The following ANK2 variants were observed in gnomAD, a reference collection of about 807,000 sequenced individuals.
ANK2 encodes the protein ankyrin-2.
ANK2 carries 83 observed loss-of-function variants against 360.5 expected under a neutral mutation model. The observed-to-expected ratio is 0.23, with a 90% CI of 0.19 to 0.28. ANK2 has a LOEUF of 0.28. ANK2 is among the 10% of genes least tolerant of loss of function. The pLI is 1.00. For synonymous variants in ANK2, 1,740 were observed against 1,759.5 expected (o/e 0.99, Z 0.28); for missense variants, 4,201 against 4,795.7 (o/e 0.88, Z 3.66).
chr4:113,220,551 A>C (rs1398706548), intron 4 of ANK2, among the ~76,000 whole-genome samples: 1 of 152,192 alleles, frequency 6.6e-6, no homozygotes, highest in African/African-American at 2.4e-5. Flanking sequence ...TTTTTAAAAT[A>C]TTCATTTGCT....
intron 1 of ANK2, among the ~76,000 whole-genome samples, chr4:112,839,653 A>G (rs977286056): frequency 6.6e-6 from 1 of 152,214 alleles, no homozygotes; most frequent in African/African-American, 2.4e-5. Flanking sequence ...ATAAAAGGTG[A>G]AGTGTAAAGT....
the ANK2 span, among the ~76,000 whole-genome samples, chr4:112,732,374 G>A: frequency 1.4e-5 from 2 of 147,096 alleles, no homozygotes; most frequent in Admixed American, 6.9e-5. Flanking sequence ...TCCTGTTCCC[G>A]AGTAGCTACA....
chr4:112,769,623 T>G, the ANK2 span, among the ~76,000 whole-genome samples: 1 of 152,218 alleles, frequency 6.6e-6, no homozygotes, highest in African/African-American at 2.4e-5. Flanking sequence ...TGATAGTTAA[T>G]TCTATGCTTC....
At chr4:113,269,240 C>T (rs567925182) in intron 14 of ANK2, among the ~76,000 whole-genome samples, 2 of 152,198 alleles carry the variant, frequency 1.3e-5, no homozygotes, top group Non-Finnish European at 2.9e-5. Context: ...CTGAGCTAGA[C>T]CACTTGGCTT....
rs1444436671 is a variant in ANK2, at chr4:113,341,943, A to G, written c.4122+27A>G. On this transcript the variant is annotated intron_variant, in intron 33 of 45. Coordinates refer to ENST00000357077, the MANE Select transcript of ANK2 (RefSeq NM_001148.6). Reference sequence around the variant, plus strand: ...TACTGTACCAAAAATAATAATAATAATTTATGCCATGTTGTTATACCTGCA... The same window carrying G: ...TACTGTACCAAAAATAATAATAATAGTTTATGCCATGTTGTTATACCTGCA... The G allele has an allele frequency of 2.7e-6, 4 of 1,508,528 alleles. No individual in the cohort carries two copies. In the South Asian group the frequency reaches 4.5e-5, roughly 17 times the overall value. 93.4% of individuals were successfully genotyped at this position (1,508,528 alleles called of 1,614,324 possible). A position where few individuals can be genotyped will look rare whatever the true frequency, so the allele number is the denominator to read the frequency against.
chr4:113,241,198 A>C (rs539976645), intron 8 of ANK2, among the ~76,000 whole-genome samples: 1 of 152,230 alleles, frequency 6.6e-6, no homozygotes, highest in African/African-American at 2.4e-5. Context: ...CATAATGATG[A>C]TATGTGATAG....
intron 1 of ANK2, among the ~76,000 whole-genome samples, chr4:112,860,468 G>A (rs1055730005): frequency 6.6e-5 from 10 of 152,120 alleles, no homozygotes; most frequent in Admixed American, 2.0e-4. Context: ...CTCATGATCC[G>A]CCGGCCTTTG....
intron 2 of ANK2, among the ~76,000 whole-genome samples, chr4:112,989,238 G>T (rs1296435240): frequency 6.6e-6 from 1 of 152,058 alleles, no homozygotes; most frequent in Non-Finnish European, 1.5e-5. Flanking sequence ...TAATAATAAT[G>T]TAATATAGCT....
At chr4:112,792,233 G>T in the ANK2 span, among the ~76,000 whole-genome samples, 2 of 151,746 alleles carry the variant, frequency 1.3e-5, no homozygotes, top group Non-Finnish European at 2.9e-5. Flanking sequence ...TAGAGACAGG[G>T]TTACTCCATG....
chr4:112,800,741 G>A, the ANK2 span, among the ~76,000 whole-genome samples: 7 of 152,060 alleles, frequency 4.6e-5, no homozygotes, highest in Admixed American at 2.0e-4. Flanking sequence ...TGCAACCTCC[G>A]CATCCCAGGT....
intron 1 of ANK2, among the ~76,000 whole-genome samples, chr4:112,899,537 C>T (rs371045583): frequency 5.2e-4 from 79 of 152,160 alleles, no homozygotes; most frequent in African/African-American, 1.6e-3. Context: ...TTGGGTACAA[C>T]GTAGGCACCT....
chr4:112,972,721 C>T (rs1409072694), intron 2 of ANK2, among the ~76,000 whole-genome samples: 1 of 152,154 alleles, frequency 6.6e-6, no homozygotes, highest in Non-Finnish European at 1.5e-5. Flanking sequence ...CATGCACACA[C>T]ATGTTTATAG....
chr4:113,205,999 A>T (rs922936973), intron 4 of ANK2, among the ~76,000 whole-genome samples: 1 of 152,178 alleles, frequency 6.6e-6, no homozygotes. Flanking sequence ...AGTGGGATCT[A>T]TAGTCACAGA....
intron 1 of ANK2, among the ~76,000 whole-genome samples, chr4:112,859,342 A>G (rs895407029): frequency 6.6e-6 from 1 of 152,190 alleles, no homozygotes; most frequent in Non-Finnish European, 1.5e-5. Context: ...TTTACATAAG[A>G]TAATTATGAT....
chr4:112,777,687 G>A, the ANK2 span, among the ~76,000 whole-genome samples: 20 of 144,454 alleles, frequency 1.4e-4, no homozygotes, highest in Admixed American at 6.3e-4. Context: ...GCACGATCTC[G>A]GCTCACTGCA....
chr4:112,879,396 T>C (rs115841453), intron 1 of ANK2, among the ~76,000 whole-genome samples: 1,524 of 152,294 alleles, frequency 0.01, 15 homozygotes, highest in African/African-American at 0.026. Flanking sequence ...GTTGAGGAAC[T>C]GAGGCTTCTA....
intron 45 of ANK2, among the ~76,000 whole-genome samples, chr4:113,374,553 A>T (rs2096856903): frequency 6.6e-6 from 1 of 152,186 alleles, no homozygotes; most frequent in African/African-American, 2.4e-5. Flanking sequence ...ACTAATTAAG[A>T]TTGCTTTGGT....
At chr4:113,295,332 T>C (rs1235965933) in intron 22 of ANK2, among the ~76,000 whole-genome samples, 1 of 152,160 alleles carries the variant, frequency 6.6e-6, no homozygotes, top group African/African-American at 2.4e-5. Flanking sequence ...TCAACAAAAC[T>C]ATGGAACTTA....
rs142147708 is a variant in ANK2 at position 113,225,884 on chromosome 4, G to A, written c.385-6277G>A. On this transcript the variant is annotated intron_variant, in intron 4 of 45. Coordinates refer to ENST00000357077, the MANE Select transcript of ANK2 (RefSeq NM_001148.6). ...TATAGTCATATTACTAATGTAAATA[G>A]GAAGATATTTTTGTAATAAGTGTTT... Among the ~76,000 whole-genome samples the A allele has an allele frequency of 2.3e-3, 348 of 152,180 alleles. 1 individual carries two copies. The highest frequency in any genetic ancestry group is 7.8e-3 in the African/African-American group (324 of 41,524).
Sources: gnomAD v4.1 joint callset for allele counts (sites outside exome capture counted in the v4.1 genomes callset) on GRCh38, gnomAD v4.1.1 for gene constraint, MANE v1.5 for transcripts, NCBI Gene and HGNC (gene_info 2026-07-23, HGNC 2026-07-21) for gene names.